SNTB1: variants seen among roughly 807,000 people sequenced by gnomAD.
SNTB1 encodes beta-1-syntrophin.
Under a neutral mutation model 48.9 loss-of-function variants are expected in SNTB1, and 36 were observed. The ratio of observed to expected loss-of-function variants is 0.74; its 90% CI spans 0.56 to 0.97. The LOEUF (loss-of-function observed/expected upper bound fraction) is 0.97, where lower values mean the gene tolerates loss of function less well. SNTB1 is among the 50% of genes least tolerant of loss of function. The probability of loss-of-function intolerance (pLI) is 0.00; values close to 1 mark genes in which losing one functional copy is unlikely to be tolerated. For synonymous variants in SNTB1, 299 were observed against 294.6 expected, an observed-to-expected ratio of 1.01 and a Z score of -0.15; for missense variants, 786 against 703.4, an observed-to-expected ratio of 1.12 and a Z score of -1.33.
chr8:120,769,169 C>A (rs1291587693), intron 1 of SNTB1: 1 of 152,214 alleles, frequency 6.6e-6, no homozygotes, highest in Non-Finnish European at 1.5e-5. Context: ...AGGGGTAGAA[C>A]AAGCCCCCAT....
chr8:120,626,632 T>C (rs1363225609), intron 3 of SNTB1, among the ~76,000 whole-genome samples: 1 of 152,170 alleles, frequency 6.6e-6, no homozygotes, highest in Non-Finnish European at 1.5e-5. Context: ...TTTTTTTTAA[T>C]GCTTTGACAA....
intron 3 of SNTB1, among the ~76,000 whole-genome samples, chr8:120,632,223 G>A (rs1241631634): frequency 2.0e-5 from 3 of 152,190 alleles, no homozygotes; most frequent in Admixed American, 6.6e-5. Context: ...CCTGGACCCC[G>A]TGCAATTTGC....
intron 1 of SNTB1, among the ~76,000 whole-genome samples, chr8:120,798,718 G>C (rs1011125835): frequency 6.6e-6 from 1 of 151,948 alleles, no homozygotes; most frequent in African/African-American, 2.4e-5. Context: ...ATATTGTCTT[G>C]CAAGTCTTCC....
Position 120,541,830 on chromosome 8 carries a change from C to CA in SNTB1, c.1503dup (p.Gly502TrpfsTer29). ...CTTACAATCTCTCCATCTTTGCCTC[C>CA]AAAATCTAAATACAGCATCCTGATT... is the stretch of plus-strand genomic sequence containing the variant. On this transcript the variant is annotated frameshift_variant, in exon 6 of 7. Coordinates refer to ENST00000517992, the MANE Select transcript of SNTB1 (RefSeq NM_021021.4). LOFTEE classifies it high-confidence loss of function. 6.2e-7 allele frequency: 1 copy of CA among 1,612,140 alleles called. No individual in the cohort carries two copies. Among genetic ancestry groups the CA allele is most frequent in the East Asian group, 2.2e-5 (1 of 44,856 alleles).
chr8:120,724,618 T>C (rs545894508), intron 1 of SNTB1, among the ~76,000 whole-genome samples: 1 of 152,358 alleles, frequency 6.6e-6, no homozygotes, highest in South Asian at 2.1e-4. Flanking sequence ...TCTAATCTAA[T>C]GTAACATTTG....
At chr8:120,688,280 T>C (rs1818067073) in intron 2 of SNTB1, among the ~76,000 whole-genome samples, 1 of 152,202 alleles carries the variant, frequency 6.6e-6, no homozygotes, top group Admixed American at 6.5e-5. Flanking sequence ...GGTTAATGGA[T>C]TGTCCTGGTT....
intron 3 of SNTB1, among the ~76,000 whole-genome samples, chr8:120,611,625 A>T (rs999416938): frequency 6.6e-6 from 1 of 151,964 alleles, no homozygotes; most frequent in African/African-American, 2.4e-5. Flanking sequence ...GATCGAGACC[A>T]TCCTGGCTAA....
intron 2 of SNTB1, among the ~76,000 whole-genome samples, chr8:120,692,154 G>A (rs981113091): frequency 1.3e-5 from 2 of 152,190 alleles, no homozygotes; most frequent in African/African-American, 2.4e-5. Context: ...GGAGTAGGGA[G>A]AGCGGGGTAG....
At chr8:120,557,627 TG>T (rs1201546649) in intron 4 of SNTB1, among the ~76,000 whole-genome samples, 2 of 152,204 alleles carry the variant, frequency 1.3e-5, no homozygotes, top group African/African-American at 4.8e-5. Context: ...ATCCCTCCTC[TG>T]TATTCCCACA....
At chr8:120,571,462 C>T in intron 4 of SNTB1, 1 of 350,896 alleles carries the variant, frequency 2.8e-6, no homozygotes, top group Non-Finnish European at 5.5e-6. Flanking sequence ...AGGATGTTTA[C>T]ATTCTGACTA....
intron 1 of SNTB1, among the ~76,000 whole-genome samples, chr8:120,723,021 A>G (rs1001622029): frequency 2.0e-5 from 3 of 152,082 alleles, no homozygotes; most frequent in Admixed American, 1.3e-4. Context: ...AATAGGGAAT[A>G]CTTTCCTCAT....
chr8:120,667,438 A>T (rs1303251997), intron 2 of SNTB1, among the ~76,000 whole-genome samples: 1 of 152,254 alleles, frequency 6.6e-6, no homozygotes, highest in Non-Finnish European at 1.5e-5. Flanking sequence ...CAGTTTGTTT[A>T]GGACACAAAA....
At chr8:120,789,754 C>T (rs76662006) in intron 1 of SNTB1, among the ~76,000 whole-genome samples, 16,856 of 151,740 alleles carry the variant, frequency 0.11, 1,315 homozygotes, top group African/African-American at 0.22. Context: ...AAAAAAGCTG[C>T]CAACAAAAAA....
rs111736060 is a variant in SNTB1 at position 120,702,035 on chromosome 8, C to G, written c.572-8127G>C. Among the ~76,000 whole-genome samples the G allele has an allele frequency of 3.2e-3, 483 of 152,332 alleles. 1 individual carries two copies. Among genetic ancestry groups the G allele is most frequent in the Middle Eastern group, 0.027 (8 of 294 alleles). On this transcript the variant is annotated intron_variant, in intron 1 of 6. Transcript: ENST00000517992. ...TGGACCCACAGAAAGTATCCTATCT[C>G]ATGAGTAATCCTATCCATCCAGAGC... is the stretch of plus-strand genomic sequence containing the variant.
At chr8:120,678,716 G>A (rs1817880042) in intron 2 of SNTB1, among the ~76,000 whole-genome samples, 1 of 151,884 alleles carries the variant, frequency 6.6e-6, no homozygotes. Context: ...GTTATCACTT[G>A]TATTATACAT....
At position 120,692,261 on chromosome 8, in the gene SNTB1, C is replaced by T. The variant is rs1040391808; in HGVS notation, c.788+1431G>A. 2.6e-5 allele frequency among the ~76,000 whole-genome samples: 4 copies of T among 152,122 alleles called. No individual in the cohort carries two copies. The South Asian group carries it at 6.2e-4, about 24-fold the overall frequency. ...ACAAAAAAGACATTGAGCTGGGAGC[C>T]AAGGAAGCAACTTTCTCCCTGCCCC... On this transcript the variant is annotated intron_variant, in intron 2 of 6. Transcript: ENST00000517992.
Position 120,699,549 on chromosome 8 carries a change from C to T in SNTB1, c.572-5641G>A, listed in dbSNP as rs13276442. Among the ~76,000 whole-genome samples the T allele has an allele frequency of 5.1e-3, 780 of 152,284 alleles. 1 individual carries two copies. The highest frequency in any genetic ancestry group is 8.9e-3 in the Non-Finnish European group (607 of 68,016). On this transcript the variant is annotated intron_variant, in intron 1 of 6. Coordinates refer to ENST00000517992, the MANE Select transcript of SNTB1 (RefSeq NM_021021.4). The stretch of plus-strand genomic sequence containing the variant: ...CATGAGTAAAAGCTCCCTGGGGCAT[C>T]ACCAGAAGCCAAGCAGATGGTGGCG...
In SNTB1 at chr8:120,567,795, A is replaced by T. The variant is rs565056646; in HGVS notation, c.1136+7291T>A. Among the ~76,000 whole-genome samples, 418 of 142,842 alleles carry T rather than the reference A, an allele frequency of 2.9e-3. 4 individuals carry two copies. Among genetic ancestry groups the T allele is most frequent in the African/African-American group, 0.011 (405 of 36,836 alleles). The allele number at this position is 142,842 out of a possible 152,430, so 93.7% of individuals were successfully genotyped here. ...GTAGACACAGTATAATAAATTTTTT[A>T]AAAACATAGCTCTATATCCATAAGT... On this transcript the variant is annotated intron_variant, in intron 4 of 6. Coordinates refer to ENST00000517992, the MANE Select transcript of SNTB1 (RefSeq NM_021021.4).
rs551790295 is a variant in SNTB1 at position 120,658,475 on chromosome 8, A to G, written c.789-25824T>C. 2.6e-5 allele frequency among the ~76,000 whole-genome samples: 4 copies of G among 152,352 alleles called. No individual in the cohort carries two copies. In the South Asian group the frequency reaches 8.3e-4, roughly 32 times the overall value. On this transcript the variant is annotated intron_variant, in intron 2 of 6. Coordinates refer to ENST00000517992, the MANE Select transcript of SNTB1 (RefSeq NM_021021.4). ...ATGGGTTCAGTTCCAGACCACCACAATAAAGTAAATATGACCATACAGTGA... is the reference window on the plus strand; with the variant it reads ...ATGGGTTCAGTTCCAGACCACCACAGTAAAGTAAATATGACCATACAGTGA...
Sources: allele counts gnomAD v4.1 joint callset (sites outside exome capture counted in the v4.1 genomes callset), GRCh38; gene constraint gnomAD v4.1.1; transcripts MANE v1.5; gene names NCBI Gene and HGNC (gene_info 2026-07-23, HGNC 2026-07-21).